The following RNF130 variants were observed in gnomAD, a reference collection of about 807,000 sequenced individuals.
RNF130 encodes ring finger protein 130, also known as E3 ubiquitin-protein ligase RNF130.
RNF130 carries 21 observed loss-of-function variants against 44.6 expected under a neutral mutation model. The ratio of observed to expected loss-of-function variants is 0.47; its 90% CI spans 0.33 to 0.68. RNF130 has a LOEUF of 0.68. RNF130 is among the 30% of genes least tolerant of loss of function. RNF130 has a pLI of 0.02. For synonymous variants in RNF130, 214 were observed against 210.4 expected (o/e 1.02, Z -0.15); for missense variants, 479 against 560.6 (o/e 0.85, Z 1.47).
At chr5:179,966,179 C>A (rs977379780) in intron 7 of RNF130, among the ~76,000 whole-genome samples, 4 of 152,198 alleles carry the variant, frequency 2.6e-5, no homozygotes. Context: ...GCATTTCTTT[C>A]CTGCTAGTCG....
intron 1 of RNF130, among the ~76,000 whole-genome samples, chr5:180,045,907 C>G (rs776799790): frequency 1.3e-5 from 2 of 152,228 alleles, no homozygotes; most frequent in Non-Finnish European, 1.5e-5. Context: ...CCACCCAACT[C>G]AGGAGCCCAG....
intron 8 of RNF130, 40 bp downstream of exon 8, chr5:179,963,431 T>C: frequency 6.7e-7 from 1 of 1,488,678 alleles, no homozygotes; most frequent in Non-Finnish European, 9.3e-7. Flanking sequence ...TTTCCTGGGA[T>C]CATCTGGCAC....
chr5:179,991,827 A>G (rs1007781177), intron 3 of RNF130, among the ~76,000 whole-genome samples: 3 of 152,134 alleles, frequency 2.0e-5, no homozygotes, highest in African/African-American at 7.2e-5. Flanking sequence ...AGGAGCCCTG[A>G]GCTTGTTCTC....
chr5:179,947,622 C>A (rs550644788), intron 7 of RNF130, among the ~76,000 whole-genome samples: 4 of 152,160 alleles, frequency 2.6e-5, no homozygotes, highest in Admixed American at 6.5e-5. Context: ...ATCTGTAAAA[C>A]GGAGTTAATA....
At chr5:179,997,218 T>C (rs1763220924) in intron 3 of RNF130, among the ~76,000 whole-genome samples, 1 of 152,204 alleles carries the variant, frequency 6.6e-6, no homozygotes, top group African/African-American at 2.4e-5. Flanking sequence ...CTTGGCTCAC[T>C]GCAACCTCTG....
rs182060948 is a variant in RNF130 at position 180,037,224 on chromosome 5, G to A, written c.442+3229C>T. Among the ~76,000 whole-genome samples the A allele has an allele frequency of 6.6e-5, 10 of 152,254 alleles. No homozygotes were observed. In the East Asian group the frequency reaches 1.5e-3, roughly 24 times the overall value. ...ATGCTGTAACACTCTCCTACGTGTC[G>A]TCCATGCACATGTGCGAGAGTAACA... On this transcript the variant is annotated intron_variant, in intron 2 of 8. Transcript: ENST00000521389.
chr5:180,001,002 A>G (rs1057145305), intron 3 of RNF130, among the ~76,000 whole-genome samples: 1 of 152,052 alleles, frequency 6.6e-6, no homozygotes, highest in African/African-American at 2.4e-5. Flanking sequence ...ACTTCTTTCA[A>G]ATTTTCTAGA....
At chr5:180,042,546 C>T (rs1764446890) in intron 1 of RNF130, among the ~76,000 whole-genome samples, 1 of 152,210 alleles carries the variant, frequency 6.6e-6, no homozygotes, top group African/African-American at 2.4e-5. Context: ...TTACTTTCAT[C>T]ACTATCTGTT....
intron 2 of RNF130, among the ~76,000 whole-genome samples, chr5:180,027,075 GCA>G (rs1481641842): frequency 5.3e-5 from 8 of 152,180 alleles, no homozygotes; most frequent in African/African-American, 1.9e-4. Context: ...AAAATGCACA[GCA>G]CAGAGAGCTG....
exon 8 of RNF130, chr5:179,914,865 A>C (rs1238696638): frequency 6.6e-6 from 1 of 151,908 alleles, no homozygotes; most frequent in Non-Finnish European, 1.5e-5. Context: ...CTCTGTCTCT[A>C]AAAAAAATTT....
At chr5:179,995,312 CCA>C (rs1763177200) in intron 3 of RNF130, among the ~76,000 whole-genome samples, 1 of 152,148 alleles carries the variant, frequency 6.6e-6, no homozygotes, top group African/African-American at 2.4e-5. Flanking sequence ...GGGTCCAAAA[CCA>C]CACCTCTCAG....
chr5:180,041,441 T>C (rs1011321914), intron 1 of RNF130, among the ~76,000 whole-genome samples: 1 of 152,188 alleles, frequency 6.6e-6, no homozygotes, highest in Non-Finnish European at 1.5e-5. Context: ...AAAATACTCA[T>C]AAGTACATTT....
intron 2 of RNF130, among the ~76,000 whole-genome samples, chr5:180,034,094 T>TTC (rs1211765107): frequency 1.6e-5 from 1 of 61,920 alleles, no homozygotes; most frequent in Non-Finnish European, 4.5e-5. Flanking sequence ...TGTTAAATGC[T>TTC]TTTTTTTTTT....
chr5:180,029,054 C>T (rs1298261572), intron 2 of RNF130, among the ~76,000 whole-genome samples: 1 of 152,196 alleles, frequency 6.6e-6, no homozygotes, highest in Non-Finnish European at 1.5e-5. Context: ...TACCCGAAAT[C>T]ACAAAGCTGA....
chr5:179,921,615 T>C (rs1761632591), intron 7 of RNF130, among the ~76,000 whole-genome samples: 1 of 152,132 alleles, frequency 6.6e-6, no homozygotes, highest in Non-Finnish European at 1.5e-5. Flanking sequence ...TTCAACTACG[T>C]AGTGAAACCT....
intron 3 of RNF130, among the ~76,000 whole-genome samples, chr5:179,990,352 T>C (rs1174456722): frequency 2.0e-5 from 3 of 152,228 alleles, no homozygotes; most frequent in Non-Finnish European, 2.9e-5. Flanking sequence ...ATTTCTTCTA[T>C]GCTCTTTTCA....
intron 3 of RNF130, among the ~76,000 whole-genome samples, chr5:180,005,450 C>G (rs888568876): frequency 6.8e-6 from 1 of 146,562 alleles, no homozygotes; most frequent in Non-Finnish European, 1.5e-5. Context: ...AACAACAACA[C>G]CAACAGAAAC....
chr5:180,006,167 A>C (rs1261328496), intron 3 of RNF130, among the ~76,000 whole-genome samples: 4 of 152,218 alleles, frequency 2.6e-5, no homozygotes, highest in Admixed American at 6.5e-5. Flanking sequence ...ATCCTTAAGA[A>C]ACATAATGAA....
chr5:179,999,124 G>T lies in RNF130; in HGVS notation c.693+13937C>A, dbSNP rs1763274205. Among the ~76,000 whole-genome samples the T allele has an allele frequency of 8.4e-5, 11 of 130,666 alleles. No individual in the cohort carries two copies. The Admixed American group carries it at 8.6e-4, about 10-fold the overall frequency. The allele number at this position is 130,666 out of a possible 152,430, so 85.7% of individuals were successfully genotyped here. ...TGCAGCCTCTGCCTTGCAGGTTCAA[G>T]CGATTCTCTGCCTCAGACTCCCGAG... On this transcript the variant is annotated intron_variant, in intron 3 of 8. Transcript: ENST00000521389.
Sources: gnomAD v4.1 joint callset for allele counts (sites outside exome capture counted in the v4.1 genomes callset) on GRCh38, gnomAD v4.1.1 for gene constraint, MANE v1.5 for transcripts, NCBI Gene and HGNC (gene_info 2026-07-23, HGNC 2026-07-21) for gene names.